The following DISP1 variants were observed in gnomAD, a reference collection of about 807,000 sequenced individuals.
DISP1 encodes dispatched RND transporter family member 1, also known as protein dispatched homolog 1.
In DISP1, 30 loss-of-function variants were observed where a neutral mutation model predicts 37.3. That is an observed-to-expected ratio of 0.80 (90% CI 0.60 to 1.09). The LOEUF is 1.09. DISP1 is among the 50% of genes least tolerant of loss of function. DISP1 has a pLI of 0.00. For synonymous variants in DISP1, 634 were observed against 690.2 expected (o/e 0.92, Z 1.28); for missense variants, 1,598 against 1,879.5 (o/e 0.85, Z 2.77).
At chr1:222,839,186 C>T (rs928820306) in intron 1 of DISP1, among the ~76,000 whole-genome samples, 1 of 152,134 alleles carries the variant, frequency 6.6e-6, no homozygotes, top group African/African-American at 2.4e-5. Flanking sequence ...AAGTGGCAGG[C>T]CTGAGCTGTG....
At chr1:222,820,993 T>C (rs1238262594) in intron 1 of DISP1, among the ~76,000 whole-genome samples, 1 of 152,180 alleles carries the variant, frequency 6.6e-6, no homozygotes, top group Non-Finnish European at 1.5e-5. Context: ...ACTCCAGAAA[T>C]ATGCTTATCC....
At chr1:222,988,394 C>A (rs1251932603) in intron 4 of DISP1, among the ~76,000 whole-genome samples, 5 of 152,176 alleles carry the variant, frequency 3.3e-5, no homozygotes, top group Non-Finnish European at 5.9e-5. Flanking sequence ...ACCAGACTAT[C>A]TAGGTTCCTA....
chr1:222,962,148 G>T (rs1344269451), intron 3 of DISP1, among the ~76,000 whole-genome samples: 1 of 152,108 alleles, frequency 6.6e-6, no homozygotes, highest in Non-Finnish European at 1.5e-5. Flanking sequence ...CAATAGACAA[G>T]CACAGAACCA....
chr1:222,861,467 C>T (rs766503352), intron 1 of DISP1, among the ~76,000 whole-genome samples: 1 of 152,130 alleles, frequency 6.6e-6, no homozygotes, highest in Non-Finnish European at 1.5e-5. Context: ...CCTCATATTT[C>T]TTTGAGAAAG....
chr1:222,994,806 A>G, intron 7 of DISP1, 79 bp from the exon 8 acceptor site: 1 of 1,086,712 alleles, frequency 9.2e-7, no homozygotes, highest in South Asian at 1.3e-5. Flanking sequence ...AGTTTGAATT[A>G]TTTCCAAATC....
chr1:222,910,906 T>C (rs147063070), intron 1 of DISP1, among the ~76,000 whole-genome samples: 1 of 152,302 alleles, frequency 6.6e-6, no homozygotes, highest in East Asian at 1.9e-4. Flanking sequence ...AGAGAGTGAC[T>C]GGGGAGGTTA....
chr1:222,838,130 A>G (rs142813280), intron 1 of DISP1, among the ~76,000 whole-genome samples: 1 of 152,082 alleles, frequency 6.6e-6, no homozygotes. Context: ...TTTATACTTA[A>G]GTTTTTTCCT....
intron 1 of DISP1, among the ~76,000 whole-genome samples, chr1:222,859,732 TAGAGG>T (rs963527841): frequency 6.6e-6 from 1 of 152,128 alleles, no homozygotes; most frequent in Non-Finnish European, 1.5e-5. Context: ...AAAATACAAT[TAGAGG>T]AAAACTATGC....
Position 223,002,570 on chromosome 1 carries a change from T to C in DISP1, c.1173T>C (p.Asn391=). 1 of 1,614,184 alleles carries C rather than the reference T, an allele frequency of 6.2e-7. No individual in the cohort carries two copies. The highest frequency in any genetic ancestry group is 8.5e-7 in the Non-Finnish European group (1 of 1,180,020). ...LLRTCAKHYQ[N]GTLGPDCWDM... The stretch of plus-strand genomic sequence containing the variant: ...GGACTTGTGCCAAACACTACCAAAA[T>C]GGCACTCTGGGGCCAGACTGCTGGG... Residue 391 remains asparagine (N), a synonymous_variant, in exon 9 of 9, where the codon AAT becomes AAC. Transcript: ENST00000675850.
chr1:222,828,257 T>G (rs557631282), intron 1 of DISP1, among the ~76,000 whole-genome samples: 1 of 152,326 alleles, frequency 6.6e-6, no homozygotes, highest in South Asian at 2.1e-4. Context: ...CTACTTATCT[T>G]TTGTTTGTTT....
chr1:223,003,441 AG>A lies in DISP1; in HGVS notation c.2045del (p.Ser682ThrfsTer47). 6.2e-7 allele frequency: 1 copy of A among 1,614,160 alleles called. No individual in the cohort carries two copies. The highest frequency in any genetic ancestry group is 8.5e-7 in the Non-Finnish European group (1 of 1,180,036). ...KPQQQIYDNK[S>X]CWTVACQKCH... ...CCAGCAGCAAATATATGATAACAAA[AG>A]CTGCTGGACAGTGGCTTGCCAGAAG... On this transcript the variant is annotated frameshift_variant, in exon 9 of 9. Transcript: ENST00000675850. LOFTEE classifies it low-confidence loss of function (END_TRUNC). The surrounding 1 kb of genome is among the most constrained non-coding windows in gnomAD (Gnocchi z 4.3).
At chr1:222,974,594 A>G (rs982714318) in intron 3 of DISP1, among the ~76,000 whole-genome samples, 1 of 152,184 alleles carries the variant, frequency 6.6e-6, no homozygotes, top group Non-Finnish European at 1.5e-5. Context: ...TAACAGTTCT[A>G]GACACCAAGA....
At chr1:222,932,869 G>A (rs1257897493) in intron 2 of DISP1, among the ~76,000 whole-genome samples, 3 of 151,934 alleles carry the variant, frequency 2.0e-5, no homozygotes, top group Non-Finnish European at 4.4e-5. Flanking sequence ...ATGTATTTAG[G>A]AAGATAAGTG....
At chr1:222,977,805 G>A (rs1211212025) in intron 3 of DISP1, among the ~76,000 whole-genome samples, 4 of 152,022 alleles carry the variant, frequency 2.6e-5, no homozygotes, top group East Asian at 1.9e-4. Flanking sequence ...TTGTCCTTGC[G>A]ATAGTTTGCT....
intron 2 of DISP1, among the ~76,000 whole-genome samples, chr1:222,934,575 AC>A (rs1213635218): frequency 6.6e-6 from 1 of 152,116 alleles, no homozygotes; most frequent in Non-Finnish European, 1.5e-5. Flanking sequence ...GCAGGAAGCA[AC>A]TGTGGAGGAA....
rs1053102681 is a variant in DISP1, at chr1:222,837,165, C to A, written c.-159+22087C>A. 40 of 397,172 alleles carry A rather than the reference C, an allele frequency of 1.0e-4. 1 individual carries two copies. The highest frequency in any genetic ancestry group is 8.0e-4 in the African/African-American group (39 of 48,542). The allele number at this position is 397,172 out of a possible 1,614,324, so 24.6% of individuals were successfully genotyped here. ...TGGGTCATCTTCTTAAAGAAAAAGCCATTTGTCCTGGATGCCCTCTTTTCT... is the reference window on the plus strand; with the variant it reads ...TGGGTCATCTTCTTAAAGAAAAAGCAATTTGTCCTGGATGCCCTCTTTTCT... On this transcript the variant is annotated intron_variant, in intron 1 of 8. Coordinates refer to ENST00000675850, the MANE Select transcript of DISP1 (RefSeq NM_001377229.1).
intron 1 of DISP1, among the ~76,000 whole-genome samples, chr1:222,858,932 C>T (rs750462034): frequency 2.0e-5 from 3 of 152,164 alleles, no homozygotes; most frequent in Non-Finnish European, 4.4e-5. Flanking sequence ...GATGATTCCT[C>T]AGAGATCTAG....
At chr1:222,957,417 C>G (rs1346894092) in intron 3 of DISP1, among the ~76,000 whole-genome samples, 2 of 151,900 alleles carry the variant, frequency 1.3e-5, no homozygotes, top group Non-Finnish European at 2.9e-5. Flanking sequence ...AGTGAAATCC[C>G]GTCTCTACTA....
chr1:223,003,906 C>T lies in DISP1; in HGVS notation c.2509C>T (p.Gln837Ter). ...ILHFCQKLRN[Q>*]TFFYQTDEQD... ...GCACTTCTGTCAAAAACTGAGAAAC[C>T]AAACATTCTTTTACCAGACTGATGA... The change falls in exon 9 of 9, where the codon CAA becomes TAA. Residue 837 changes from glutamine (Q) to a stop codon, truncating the protein, a stop_gained. Coordinates refer to ENST00000675850, the MANE Select transcript of DISP1 (RefSeq NM_001377229.1). LOFTEE classifies it low-confidence loss of function (END_TRUNC). The surrounding 1 kb of genome is among the most constrained non-coding windows in gnomAD (Gnocchi z 4.3). The T allele has an allele frequency of 6.2e-7, 1 of 1,614,104 alleles. No homozygotes were observed. The highest frequency in any genetic ancestry group is 2.2e-5 in the East Asian group (1 of 44,874).
Sources: gnomAD v4.1 joint callset for allele counts (sites outside exome capture counted in the v4.1 genomes callset) on GRCh38, gnomAD v4.1.1 for gene constraint, Gnocchi (gnomAD v3.1) non-coding constraint, MANE v1.5 for transcripts, NCBI Gene and HGNC (gene_info 2026-07-23, HGNC 2026-07-21) for gene names.